The following SGO2 variants were observed in gnomAD, a reference collection of about 807,000 sequenced individuals.
SGO2 encodes shugoshin 2, also known as shugoshin-like 2.
A neutral mutation model predicts 99.5 loss-of-function variants in SGO2; 68 were observed. The observed-to-expected ratio is 0.68, with a 90% confidence interval of 0.56 to 0.84. SGO2 has a LOEUF of 0.84. Among genes scored for constraint, SGO2 ranks in the 40% least tolerant of loss-of-function variants. The pLI is 0.00. For missense variants in SGO2, 1,350 were observed against 1,436.7 expected (o/e 0.94, Z 0.97); for synonymous variants, 457 against 487.1 (o/e 0.94, Z 0.81).
intron 8 of SGO2, among the ~76,000 whole-genome samples, chr2:200,578,244 G>A (rs1010268725): frequency 6.9e-6 from 1 of 145,170 alleles, no homozygotes; most frequent in Non-Finnish European, 1.5e-5. Flanking sequence ...TATTTATCTT[G>A]TTGCTCAAGT....
intron 5 of SGO2, among the ~76,000 whole-genome samples, chr2:200,544,621 C>T (rs1245024187): frequency 1.3e-5 from 2 of 152,110 alleles, no homozygotes. Context: ...AGGGCTGCCA[C>T]ATATATGCCT....
chr2:200,562,077 A>T (rs1416429503), intron 5 of SGO2, among the ~76,000 whole-genome samples: 1 of 152,130 alleles, frequency 6.6e-6, no homozygotes, highest in African/African-American at 2.4e-5. Context: ...CCCACTTGTC[A>T]ATTTTGGCTT....
chr2:200,548,386 C>T (rs1044379374), intron 5 of SGO2, among the ~76,000 whole-genome samples: 5 of 151,466 alleles, frequency 3.3e-5, no homozygotes, highest in Non-Finnish European at 7.4e-5. Flanking sequence ...GTCAAAGAAG[C>T]AAGTAAGAAG....
Position 200,559,918 on chromosome 2 carries a change from C to T in SGO2, c.474-9745C>T, listed in dbSNP as rs554825559. Among the ~76,000 whole-genome samples the T allele has an allele frequency of 2.6e-4, 40 of 152,056 alleles. No homozygotes were observed. The South Asian group carries it at 7.1e-3, about 27-fold the overall frequency. ...TAGGGACTATAGTTAAAATGAATTT[C>T]GATTTTTGAAGTATATTGGGAATTT... On this transcript the variant is annotated intron_variant, in intron 5 of 8. Coordinates refer to ENST00000357799, the MANE Select transcript of SGO2 (RefSeq NM_152524.6).
chr2:200,566,232 C>T (rs1296435845), intron 5 of SGO2, among the ~76,000 whole-genome samples: 5 of 152,116 alleles, frequency 3.3e-5, no homozygotes, highest in Admixed American at 6.5e-5. Context: ...ACGATGGTGA[C>T]GTACAGATGG....
Position 200,570,567 on chromosome 2 carries a change from GGTATACATATAATGTATACA to G in SGO2, c.704-471_704-452del, listed in dbSNP as rs1241874749. Among the ~76,000 whole-genome samples, 1 of 143,802 alleles carries G rather than the reference GGTATACATATAATGTATACA, an allele frequency of 7.0e-6. No homozygotes were observed. Among genetic ancestry groups the G allele is most frequent in the Non-Finnish European group, 1.5e-5 (1 of 65,504 alleles). 94.3% of individuals were successfully genotyped at this position (143,802 alleles called of 152,430 possible). A position where few individuals can be genotyped will look rare whatever the true frequency, so the allele number is the denominator to read the frequency against. On this transcript the variant is annotated intron_variant, in intron 6 of 8. Coordinates refer to ENST00000357799, the MANE Select transcript of SGO2 (RefSeq NM_152524.6). This position sits in a 1 kb window ranked among gnomAD's most constrained non-coding sequence, Gnocchi z 4.4. ...CACACATATATACACACATATATAT[GGTATACATATAATGTATACA>G]GTATACATATATACATGTGTGTATA...
intron 4 of SGO2, among the ~76,000 whole-genome samples, chr2:200,538,232 C>A (rs1211294974): frequency 1.3e-5 from 2 of 152,042 alleles, no homozygotes; most frequent in African/African-American, 4.8e-5. Context: ...TTATTTCTTC[C>A]ACCTCATTTG....
At chr2:200,557,433 AG>A (rs1329869303) in intron 5 of SGO2, among the ~76,000 whole-genome samples, 1 of 152,146 alleles carries the variant, frequency 6.6e-6, no homozygotes, top group Non-Finnish European at 1.5e-5. Flanking sequence ...CCTTTGGGTC[AG>A]GGGTCTCTTC....
At chr2:200,568,367 T>C (rs904502656) in intron 5 of SGO2, among the ~76,000 whole-genome samples, 4 of 152,224 alleles carry the variant, frequency 2.6e-5, no homozygotes, top group African/African-American at 9.6e-5. Context: ...GTATCCCTTG[T>C]TGGAGAAAAT....
Position 200,571,642 on chromosome 2 carries a change from G to A in SGO2, c.1296G>A (p.Arg432=), listed in dbSNP as rs1308955762. 3.1e-6 allele frequency: 5 copies of A among 1,613,350 alleles called. No homozygotes were observed. The highest frequency in any genetic ancestry group is 4.2e-6 in the Non-Finnish European group (5 of 1,179,696). Residue 432 remains arginine, a synonymous_variant, in exon 7 of 9, where the codon AGG becomes AGA. Coordinates refer to ENST00000357799, the MANE Select transcript of SGO2 (RefSeq NM_152524.6). The part of the protein sequence containing the change: ...DVDIGEKIEN[R]TERSDVLDGK... ...ATATTGGGGAAAAGATTGAAAACAG[G>A]ACAGAAAGATCTGATGTCCTGGATG...
At position 200,575,752 on chromosome 2, in the gene SGO2, G is replaced by C. The variant is rs1026062513; in HGVS notation, c.3782+291G>C. On this transcript the variant is annotated intron_variant, in intron 8 of 8. Transcript: ENST00000357799. ...CTGATACTTATAATTTTTAAAATTT[G>C]TGGCCTGTGATTTGCAAGCCATTTT... is the stretch of plus-strand genomic sequence containing the variant. 2.0e-5 allele frequency among the ~76,000 whole-genome samples: 3 copies of C among 152,070 alleles called. No homozygotes were observed. In the South Asian group the frequency reaches 6.2e-4, roughly 32 times the overall value.
intron 3 of SGO2, among the ~76,000 whole-genome samples, chr2:200,535,530 A>G (rs1416113050): frequency 6.6e-6 from 1 of 152,086 alleles, no homozygotes; most frequent in African/African-American, 2.4e-5. Context: ...TTCTTTTTTA[A>G]TCTCAGCATT....
chr2:200,538,960 A>AG (rs2031830104), intron 4 of SGO2, among the ~76,000 whole-genome samples: 1 of 151,636 alleles, frequency 6.6e-6, no homozygotes, highest in Non-Finnish European at 1.5e-5. Context: ...CTATGCATGG[A>AG]AAAAAACATA....
At chr2:200,566,233 G>A (rs974804436) in intron 5 of SGO2, among the ~76,000 whole-genome samples, 2 of 152,124 alleles carry the variant, frequency 1.3e-5, no homozygotes, top group Non-Finnish European at 2.9e-5. Flanking sequence ...CGATGGTGAC[G>A]TACAGATGGG....
At position 200,571,928 on chromosome 2, in the gene SGO2, T is replaced by G. The variant is rs2033444263; in HGVS notation, c.1582T>G (p.Cys528Gly). ...KFDKGQNSLT[C>G]NKSKASRQTF... Reference sequence around the variant, plus strand: ...TGATAAGGGTCAGAATTCCCTAACTTGTAATAAAAGTAAAGCTTCTAGACA... The same window carrying G: ...TGATAAGGGTCAGAATTCCCTAACTGGTAATAAAAGTAAAGCTTCTAGACA... The change falls in exon 7 of 9, where the codon TGT becomes GGT. Residue 528 changes from cysteine to glycine, a missense_variant. Coordinates refer to ENST00000357799, the MANE Select transcript of SGO2 (RefSeq NM_152524.6). 1 of 1,612,468 alleles carries G rather than the reference T, an allele frequency of 6.2e-7. No homozygotes were observed. The highest frequency in any genetic ancestry group is 1.7e-5 in the Admixed American group (1 of 59,786).
intron 4 of SGO2, 84 bp downstream of exon 4, chr2:200,536,226 G>A (rs2031686076): frequency 1.2e-6 from 1 of 816,030 alleles, no homozygotes; most frequent in Non-Finnish European, 1.9e-6. Flanking sequence ...CAAGGTTAGA[G>A]ATTCACATTT....
intron 8 of SGO2, among the ~76,000 whole-genome samples, chr2:200,577,558 A>G (rs559061969): frequency 5.3e-5 from 8 of 152,324 alleles, no homozygotes; most frequent in African/African-American, 1.9e-4. Context: ...GTACAATACT[A>G]TTACCAAACT....
chr2:200,534,125 T>C (rs1293565630), intron 2 of SGO2, among the ~76,000 whole-genome samples: 1 of 152,244 alleles, frequency 6.6e-6, no homozygotes, highest in African/African-American at 2.4e-5. Flanking sequence ...TGAGTACTTA[T>C]AAAATGTTAT....
chr2:200,532,084 T>C (rs2031411428), intron 1 of SGO2, among the ~76,000 whole-genome samples: 3 of 152,068 alleles, frequency 2.0e-5, no homozygotes, highest in Admixed American at 1.3e-4. Flanking sequence ...ATGAGGAATG[T>C]GTAGCACTTA....
Sources: allele counts gnomAD v4.1 joint callset (sites outside exome capture counted in the v4.1 genomes callset), GRCh38; gene constraint gnomAD v4.1.1; non-coding constraint Gnocchi (gnomAD v3.1); transcripts MANE v1.5; gene names NCBI Gene and HGNC (gene_info 2026-07-23, HGNC 2026-07-21).